NFIL3: variants seen among roughly 807,000 people sequenced by gnomAD.
NFIL3 encodes the protein nuclear factor interleukin-3-regulated protein.
Under a neutral mutation model 10.0 loss-of-function variants are expected in NFIL3, and 5 were observed. The ratio of observed to expected loss-of-function variants is 0.50; its 90% CI spans 0.26 to 1.06. The LOEUF (loss-of-function observed/expected upper bound fraction) is 1.06. Ranked by LOEUF, NFIL3 falls within the 50% of genes least tolerant of loss-of-function variation. The probability of loss-of-function intolerance (pLI) is 0.13; values close to 1 mark genes in which losing one functional copy is unlikely to be tolerated. For missense variants in NFIL3, 436 were observed against 547.6 expected (o/e 0.80, Z 2.03); for synonymous variants, 202 against 206.5 (o/e 0.98, Z 0.19).
At chr9:91,428,823 C>A (rs1237767957), upstream of NFIL3, among the ~76,000 whole-genome samples, 1 of 152,160 alleles carries the variant, frequency 6.6e-6, no homozygotes, top group Non-Finnish European at 1.5e-5. Context: ...ACAGATGGCA[C>A]ACATTTCAGT....
rs1275188979 is a variant in NFIL3 at position 91,409,511 on chromosome 9, C to T, written c.1224G>A (p.Gln408=). The change falls in exon 2 of 2, where the codon CAG becomes CAA. Residue 408 remains glutamine (Q), a synonymous_variant. Coordinates refer to ENST00000297689, the MANE Select transcript of NFIL3 (RefSeq NM_005384.3). ...CAACAACTCCAGTTTTGAAACTATT[C>T]TGAGTTTTGCCACTCAGTTCTTTTT... ...WHQKELSGKT[Q]NSFKTGVVEM... is the part of the protein sequence containing the mutation. 15 of 1,613,832 alleles carry T rather than the reference C, an allele frequency of 9.3e-6. No homozygotes were observed. The highest frequency in any genetic ancestry group is 1.1e-5 in the Non-Finnish European group (13 of 1,179,948).
chr9:91,413,546 C>A (rs1207904243), intron 1 of NFIL3, among the ~76,000 whole-genome samples: 1 of 152,094 alleles, frequency 6.6e-6, no homozygotes, highest in Admixed American at 6.6e-5. Context: ...CCACCACGCC[C>A]GGCCAACAAT....
At chr9:91,416,868 C>T (rs1472610200) in intron 1 of NFIL3, among the ~76,000 whole-genome samples, 1 of 152,118 alleles carries the variant, frequency 6.6e-6, no homozygotes, top group Non-Finnish European at 1.5e-5. Flanking sequence ...TTAGAAAATT[C>T]TATAAAAGAA....
At chr9:91,414,564 A>G (rs1308068450) in intron 1 of NFIL3, among the ~76,000 whole-genome samples, 7 of 152,070 alleles carry the variant, frequency 4.6e-5, no homozygotes, top group African/African-American at 1.4e-4. Flanking sequence ...AGGCCACCTC[A>G]TTTGTTTTTA....
Position 91,409,416 on chromosome 9 carries a change from A to T in NFIL3, c.1319T>A (p.Leu440Ter). 1 of 1,613,376 alleles carries T rather than the reference A, an allele frequency of 6.2e-7. No homozygotes were observed. Among genetic ancestry groups the T allele is most frequent in the Non-Finnish European group, 8.5e-7 (1 of 1,179,738 alleles). ...CTTGAGTGAGACAACCTCTGCAGATAAGTTTGCTATCCCCTGCTTCAAATA... is the reference window on the plus strand; with the variant it reads ...CTTGAGTGAGACAACCTCTGCAGATTAGTTTGCTATCCCCTGCTTCAAATA... ...NLYLKQGIAN[L>*]SAEVVSLKRL... The change falls in exon 2 of 2, where the codon TTA (leucine) becomes TAA (stop). Residue 440 changes from leucine to a stop codon, truncating the protein, a stop_gained. Coordinates refer to ENST00000297689, the MANE Select transcript of NFIL3 (RefSeq NM_005384.3). LOFTEE classifies it high-confidence loss of function.
At chr9:91,477,840 T>A in the NFIL3 span, among the ~76,000 whole-genome samples, 4 of 152,200 alleles carry the variant, frequency 2.6e-5, no homozygotes, top group Admixed American at 1.3e-4. Context: ...TCTTTTTTTT[T>A]AATTACACTC....
the NFIL3 span, among the ~76,000 whole-genome samples, chr9:91,481,135 TAAC>T: frequency 6.6e-6 from 1 of 152,262 alleles, no homozygotes; most frequent in Non-Finnish European, 1.5e-5. Flanking sequence ...CTCCTTCAGC[TAAC>T]AACGATTCTT....
chr9:91,434,994 C>CGG, the NFIL3 span, among the ~76,000 whole-genome samples: 1 of 152,204 alleles, frequency 6.6e-6, no homozygotes, highest in Non-Finnish European at 1.5e-5. Flanking sequence ...CTGTAGGTGA[C>CGG]ATAACAGTAT....
chr9:91,470,912 C>T, the NFIL3 span, among the ~76,000 whole-genome samples: 1 of 152,164 alleles, frequency 6.6e-6, no homozygotes, highest in Admixed American at 6.5e-5. Context: ...TGTTCTTTTA[C>T]ATTTGCTGAG....
chr9:91,477,120 T>G, the NFIL3 span, among the ~76,000 whole-genome samples: 1 of 152,150 alleles, frequency 6.6e-6, no homozygotes, highest in Non-Finnish European at 1.5e-5. Flanking sequence ...GGTTCCCTGA[T>G]TGTGGCCTCG....
At chr9:91,445,099 G>T in the NFIL3 span, among the ~76,000 whole-genome samples, 1 of 152,264 alleles carries the variant, frequency 6.6e-6, no homozygotes, top group African/African-American at 2.4e-5. Flanking sequence ...TGAGGCCCAT[G>T]GAGCTAGGTT....
At chr9:91,482,843 C>G in the NFIL3 span, among the ~76,000 whole-genome samples, 1 of 152,090 alleles carries the variant, frequency 6.6e-6, no homozygotes, top group African/African-American at 2.4e-5. Context: ...AAGTTGGACT[C>G]TAGAGTATGG....
chr9:91,427,704 A>G (rs555720354), upstream of NFIL3, among the ~76,000 whole-genome samples: 17 of 152,156 alleles, frequency 1.1e-4, no homozygotes, highest in South Asian at 2.1e-4. Context: ...CAGTGGAGTG[A>G]TCACGGCTCA....
upstream of NFIL3, among the ~76,000 whole-genome samples, chr9:91,424,846 T>G (rs936256002): frequency 6.6e-6 from 1 of 152,226 alleles, no homozygotes; most frequent in African/African-American, 2.4e-5. Context: ...TGATAGCTGC[T>G]TAGTGTTATT....
chr9:91,425,011 C>G (rs1432995155), upstream of NFIL3, among the ~76,000 whole-genome samples: 1 of 152,114 alleles, frequency 6.6e-6, no homozygotes, highest in Non-Finnish European at 1.5e-5. Context: ...TTTACCGATA[C>G]ACGGATAGTG....
chr9:91,431,209 T>A, the NFIL3 span, among the ~76,000 whole-genome samples: 1 of 152,304 alleles, frequency 6.6e-6, no homozygotes, highest in Admixed American at 6.5e-5. Flanking sequence ...ACACATTGTT[T>A]TAAATGCTTT....
the NFIL3 span, among the ~76,000 whole-genome samples, chr9:91,460,693 G>A: frequency 4.9e-4 from 74 of 152,232 alleles, no homozygotes; most frequent in Admixed American, 1.2e-3. Flanking sequence ...TTCCCTGGGG[G>A]AGTTCTGCAA....
the NFIL3 span, among the ~76,000 whole-genome samples, chr9:91,438,700 A>G: frequency 6.6e-6 from 1 of 152,192 alleles, no homozygotes; most frequent in African/African-American, 2.4e-5. Flanking sequence ...ATGTAAGATA[A>G]CAGTCCAATT....
At chr9:91,476,771 G>T in the NFIL3 span, among the ~76,000 whole-genome samples, 1 of 152,120 alleles carries the variant, frequency 6.6e-6, no homozygotes, top group East Asian at 1.9e-4. Context: ...TAGGATAAAA[G>T]AAACTTTTTA....
Sources: gnomAD v4.1 joint callset for allele counts (sites outside exome capture counted in the v4.1 genomes callset) on GRCh38, gnomAD v4.1.1 for gene constraint, MANE v1.5 for transcripts, NCBI Gene and HGNC (gene_info 2026-07-23, HGNC 2026-07-21) for gene names.